ORC2: variants seen among roughly 807,000 people sequenced by gnomAD.
ORC2 encodes origin recognition complex subunit 2.
A neutral mutation model predicts 77.7 loss-of-function variants in ORC2; 37 were observed. The observed-to-expected ratio is 0.48, with a 90% CI of 0.37 to 0.63. ORC2 has a LOEUF of 0.63. Among genes scored for constraint, ORC2 ranks in the 20% least tolerant of loss-of-function variants. The pLI is 0.00. For synonymous variants in ORC2, 201 were observed against 229.5 expected, an observed-to-expected ratio of 0.88 and a Z score of 1.12; for missense variants, 557 against 661.9, an observed-to-expected ratio of 0.84 and a Z score of 1.74.
At position 200,941,279 on chromosome 2, in the gene ORC2, C is replaced by A; in HGVS notation, c.422G>T (p.Gly141Val). 1 of 1,608,718 alleles carries A rather than the reference C, an allele frequency of 6.2e-7. No individual in the cohort carries two copies. The highest frequency in any genetic ancestry group is 2.2e-5 in the East Asian group (1 of 44,794). ...TTGAACCTTGTCTGAAGCAGAATGG[C>A]CTAAAGAATGAAACAAAAAGCCATG... ...ITINVPQSSK[G>V]HSASDKVQPK... Residue 141 changes from glycine to valine, a missense_variant and splice_region_variant, in exon 7 of 18, where the codon GGC (glycine) becomes GTC (valine). Gly to Val is a moderately radical substitution (Grantham distance 109, BLOSUM62 -3). Coordinates refer to ENST00000234296, the MANE Select transcript of ORC2 (RefSeq NM_006190.5).
In ORC2 at chr2:200,940,676, C is replaced by T. The variant is rs951406974; in HGVS notation, c.453+572G>A. 1.4e-4 allele frequency among the ~76,000 whole-genome samples: 21 copies of T among 152,154 alleles called. 1 individual carries two copies. Among genetic ancestry groups the T allele is most frequent in the South Asian group, 4.1e-4 (2 of 4,826 alleles). ...AATTAGCCAGGCGTGGTGGTGCACA[C>T]CTGTAATCCCAGCTACTCAGGAGGC... On this transcript the variant is annotated intron_variant, in intron 7 of 17. Transcript: ENST00000234296.
At chr2:200,945,287 G>A (rs1316082490) in intron 5 of ORC2, among the ~76,000 whole-genome samples, 1 of 152,156 alleles carries the variant, frequency 6.6e-6, no homozygotes, top group African/African-American at 2.4e-5. Flanking sequence ...TGGACATGGT[G>A]GCTCAAGCCT....
chr2:200,932,071 G>T (rs1244239281), intron 10 of ORC2, among the ~76,000 whole-genome samples: 1 of 152,042 alleles, frequency 6.6e-6, no homozygotes, highest in African/African-American at 2.4e-5. Flanking sequence ...GAAGATTAGA[G>T]TTGCGATAAA....
At chr2:200,962,258 C>A (rs2041591161) in intron 1 of ORC2, among the ~76,000 whole-genome samples, 1 of 152,242 alleles carries the variant, frequency 6.6e-6, no homozygotes, top group Non-Finnish European at 1.5e-5. Flanking sequence ...CCTCAAGGCA[C>A]TGCCTTGGTG....
chr2:200,920,540 T>A, intron 14 of ORC2, 147 bp from the exon 15 acceptor site: 1 of 502,012 alleles, frequency 2.0e-6, no homozygotes, highest in Non-Finnish European at 3.3e-6. Flanking sequence ...TCTAAATCAG[T>A]AACTCACAAT....
chr2:200,957,380 A>G (rs746864711), intron 4 of ORC2, 21 bp downstream of exon 4: 2 of 1,538,936 alleles, frequency 1.3e-6, no homozygotes, highest in Non-Finnish European at 1.7e-6. Context: ...AAACGAGTGT[A>G]TATTTCACCC....
chr2:200,933,226 ATT>A (rs1196387811), intron 10 of ORC2, among the ~76,000 whole-genome samples: 154 of 132,062 alleles, frequency 1.2e-3, no homozygotes, highest in African/African-American at 3.5e-3. Context: ...ACTGTATGGT[ATT>A]TTTTTTTTTT....
In ORC2 at chr2:200,942,757, G is replaced by T. The variant is rs753969610; in HGVS notation, c.349C>A (p.Pro117Thr). 1.2e-6 allele frequency: 2 copies of T among 1,607,310 alleles called. No homozygotes were observed. Among genetic ancestry groups the T allele is most frequent in the South Asian group, 2.2e-5 (2 of 89,912 alleles). The change falls in exon 6 of 18, where the codon CCA (proline) becomes ACA (threonine). Residue 117 changes from proline (P) to threonine (T), a missense_variant. Pro to Thr is a conservative substitution (Grantham distance 38). Transcript: ENST00000234296. ...AAACTGAATGAAACACTTTTTTGTG[G>T]TGTTTTTGCTAGTTCTGAAGCTGTA... The part of the protein sequence containing the change: ...AKLASELAKT[P>T]QKSVSFSLKN...
rs1487543559 is a variant in ORC2, at chr2:200,946,931, CTCTT to C, written c.328+2619_328+2622del. On this transcript the variant is annotated intron_variant, in intron 5 of 17. Coordinates refer to ENST00000234296, the MANE Select transcript of ORC2 (RefSeq NM_006190.5). ...AATTTCTTGTTTTTTCAGATGGAGT[CTCTT>C]TCTGTCACCCAGGCTGGAGTGCAGT... Among the ~76,000 whole-genome samples the C allele has an allele frequency of 2.6e-5, 4 of 152,172 alleles. 1 individual carries two copies. Among genetic ancestry groups the C allele is most frequent in the African/African-American group, 9.6e-5 (4 of 41,544 alleles).
At chr2:200,930,353 T>G (rs2040917451) in intron 11 of ORC2, among the ~76,000 whole-genome samples, 1 of 152,096 alleles carries the variant, frequency 6.6e-6, no homozygotes, top group Non-Finnish European at 1.5e-5. Context: ...CAAATTAAGT[T>G]ATCTAAGTTG....
At chr2:200,929,801 A>G (rs999431254) in intron 11 of ORC2, among the ~76,000 whole-genome samples, 4 of 152,092 alleles carry the variant, frequency 2.6e-5, no homozygotes, top group African/African-American at 4.8e-5. Flanking sequence ...GAAAAGAAAA[A>G]AAAAAAAGAA....
At chr2:200,930,838 A>G (rs2040926690) in intron 11 of ORC2, among the ~76,000 whole-genome samples, 1 of 152,210 alleles carries the variant, frequency 6.6e-6, no homozygotes, top group African/African-American at 2.4e-5. Context: ...TGTGAAAATA[A>G]TAACAGTGAA....
Position 200,955,434 on chromosome 2 carries a change from A to C in ORC2, c.238+1967T>G, listed in dbSNP as rs1456543590. The stretch of plus-strand genomic sequence containing the variant: ...CTATGTAATTATGTTCATTAATATA[A>C]TAAGTAATAGGCACAGATAACTCAA... On this transcript the variant is annotated intron_variant, in intron 4 of 17. Coordinates refer to ENST00000234296, the MANE Select transcript of ORC2 (RefSeq NM_006190.5). Among the ~76,000 whole-genome samples, 6 of 152,336 alleles carry C rather than the reference A, an allele frequency of 3.9e-5. No individual in the cohort carries two copies. In the East Asian group the frequency reaches 1.2e-3, roughly 29 times the overall value.
intron 13 of ORC2, among the ~76,000 whole-genome samples, chr2:200,925,570 T>C (rs2040826617): frequency 6.6e-6 from 1 of 151,852 alleles, no homozygotes; most frequent in African/African-American, 2.4e-5. Context: ...CGAGACCTCA[T>C]CTCTACAAAT....
chr2:200,934,839 C>A (rs1248622283), intron 9 of ORC2, among the ~76,000 whole-genome samples: 1 of 152,150 alleles, frequency 6.6e-6, no homozygotes, highest in Non-Finnish European at 1.5e-5. Flanking sequence ...AAGGAAGGGA[C>A]AGAAAGCTAT....
At chr2:200,962,587 G>A (rs2041600672) in intron 1 of ORC2, among the ~76,000 whole-genome samples, 1 of 152,152 alleles carries the variant, frequency 6.6e-6, no homozygotes, top group African/African-American at 2.4e-5. Flanking sequence ...CCAATTATCG[G>A]TATTTTTACT....
At chr2:200,926,205 G>A (rs758383406) in intron 12 of ORC2, among the ~76,000 whole-genome samples, 4 of 152,030 alleles carry the variant, frequency 2.6e-5, no homozygotes, top group Non-Finnish European at 5.9e-5. Flanking sequence ...AAGCTCCCAA[G>A]AACATGAGAA....
At chr2:200,924,601 C>T in intron 13 of ORC2, among the ~76,000 whole-genome samples, 1 of 152,108 alleles carries the variant, frequency 6.6e-6, no homozygotes. Context: ...TTAGTCATTA[C>T]TAAATGGCAA....
At chr2:200,914,049 C>G (rs2040597221) in intron 15 of ORC2, 57 bp from the exon 16 acceptor site, 7 of 1,042,942 alleles carry the variant, frequency 6.7e-6, no homozygotes, top group Non-Finnish European at 9.9e-6. Context: ...CAAAAGGTAA[C>G]AACTAATAGT....
Sources: gnomAD v4.1 joint callset for allele counts (sites outside exome capture counted in the v4.1 genomes callset) on GRCh38, gnomAD v4.1.1 for gene constraint, MANE v1.5 for transcripts, NCBI Gene and HGNC (gene_info 2026-07-23, HGNC 2026-07-21) for gene names.